Variants in PHF14 observed in about 807,000 individuals in gnomAD.
The protein encoded by PHF14 is PHD finger protein 14.
PHF14 carries 55 observed loss-of-function variants against 117.9 expected under a neutral mutation model. The observed-to-expected ratio is 0.47, with a 90% CI of 0.38 to 0.58. The LOEUF is 0.58. Among genes scored for constraint, PHF14 ranks in the 20% least tolerant of loss-of-function variants. The probability of loss-of-function intolerance (pLI) is 0.00; values close to 1 mark genes in which losing one functional copy is unlikely to be tolerated. For missense variants in PHF14, 978 were observed against 1,122.2 expected (o/e 0.87, Z 1.84); for synonymous variants, 409 against 368.6 (o/e 1.11, Z -1.26).
Position 11,051,649 on chromosome 7 carries a change from A to C in PHF14, c.2350A>C (p.Met784Leu), listed in dbSNP as rs1241053946. 1.9e-6 allele frequency: 3 copies of C among 1,613,474 alleles called. No individual in the cohort carries two copies. In the African/African-American group the frequency reaches 4.0e-5, roughly 22 times the overall value. Residue 784 changes from methionine (M) to leucine (L), a missense_variant, in exon 14 of 18, where the codon ATG (methionine) becomes CTG (leucine). By Grantham distance (15) the Met-to-Leu change is conservative. Coordinates refer to ENST00000634607, the MANE Select transcript of PHF14 (RefSeq NM_001007157.2). ...ATGTGACCAGGCAGGGAGCAGTGAC[A>C]TGGAAGCAGATATGGCCATGGAAAC... ...SECDQAGSSD[M>L]EADMAMETLP...
intron 17 of PHF14, among the ~76,000 whole-genome samples, chr7:11,166,496 A>G (rs1251913939): frequency 1.3e-5 from 2 of 152,188 alleles, no homozygotes; most frequent in Non-Finnish European, 2.9e-5. Flanking sequence ...GATTTTTATT[A>G]ATCTGGAACT....
intron 4 of PHF14, among the ~76,000 whole-genome samples, chr7:11,010,519 TATGTTAATTAAAA>T (rs902392439): frequency 5.3e-5 from 8 of 151,942 alleles, no homozygotes; most frequent in Non-Finnish European, 1.2e-4. Flanking sequence ...TGTATTAAAG[TATGTTAATTAAAA>T]ATGTTAATTA....
chr7:10,982,252 G>C (rs1782066436), intron 2 of PHF14, 120 bp from the exon 3 acceptor site: 1 of 596,284 alleles, frequency 1.7e-6, no homozygotes, highest in Non-Finnish European at 2.9e-6. Flanking sequence ...ACTTAAATTT[G>C]TTTATATTGT....
intron 16 of PHF14, chr7:11,062,886 T>C (rs532666797): frequency 2.0e-6 from 2 of 983,668 alleles, no homozygotes; most frequent in Non-Finnish European, 2.4e-6. Context: ...AGGGACTTTG[T>C]AAGGGAATCC....
chr7:11,113,416 T>C (rs1013156651), intron 17 of PHF14, among the ~76,000 whole-genome samples: 31 of 152,274 alleles, frequency 2.0e-4, no homozygotes, highest in African/African-American at 7.2e-4. Context: ...GAAGGCACAT[T>C]GTTAGAAAAC....
intron 17 of PHF14, among the ~76,000 whole-genome samples, chr7:11,142,817 T>G (rs1158657502): frequency 1.3e-5 from 2 of 152,116 alleles, no homozygotes; most frequent in African/African-American, 4.8e-5. Context: ...TACTGTAAGT[T>G]TTCAGAAACA....
At chr7:11,003,983 C>CA (rs1382107925) in intron 4 of PHF14, among the ~76,000 whole-genome samples, 2 of 152,046 alleles carry the variant, frequency 1.3e-5, no homozygotes, top group Non-Finnish European at 2.9e-5. Flanking sequence ...CTTGGTGGCT[C>CA]ACGCTTGTAA....
intron 17 of PHF14, among the ~76,000 whole-genome samples, chr7:11,122,352 T>TATATATATATATATATATATAC: frequency 2.6e-4 from 17 of 65,862 alleles, no homozygotes; most frequent in Non-Finnish European, 3.6e-4. Flanking sequence ...TATATATATA[T>TATATATATATATATATATATAC]ACACACACAC....
At chr7:11,168,445 A>G (rs1321840980) in intron 17 of PHF14, among the ~76,000 whole-genome samples, 3 of 152,210 alleles carry the variant, frequency 2.0e-5, no homozygotes, top group African/African-American at 7.2e-5. Flanking sequence ...TTTACTTTAT[A>G]AAGTCAATTC....
intron 4 of PHF14, among the ~76,000 whole-genome samples, chr7:11,010,928 T>C (rs938318873): frequency 1.3e-5 from 2 of 152,218 alleles, no homozygotes; most frequent in Non-Finnish European, 2.9e-5. Context: ...GCATTGGGAT[T>C]GCAGGCATGA....
chr7:11,155,755 A>G (rs920044853), intron 17 of PHF14, among the ~76,000 whole-genome samples: 1 of 150,408 alleles, frequency 6.6e-6, no homozygotes, highest in Non-Finnish European at 1.5e-5. Flanking sequence ...TCTGTCTTAT[A>G]TACAATGTTT....
rs113328700 is a variant in PHF14 at position 11,098,331 on chromosome 7, T to C, written c.2655-13019T>C. On this transcript the variant is annotated intron_variant, in intron 16 of 17. Coordinates refer to ENST00000634607, the MANE Select transcript of PHF14 (RefSeq NM_001007157.2). ...ATTCCTATGGCTTCCTTGAGACCTT[T>C]CGCAGTGTCTAGCCTCTGTTTTCTG... Among the ~76,000 whole-genome samples the C allele has an allele frequency of 1.8e-3, 279 of 152,322 alleles. 5 individuals carry two copies. The highest frequency in any genetic ancestry group is 6.3e-3 in the African/African-American group (262 of 41,572).
At chr7:10,988,599 G>A (rs1489903307) in intron 3 of PHF14, among the ~76,000 whole-genome samples, 3 of 141,828 alleles carry the variant, frequency 2.1e-5, no homozygotes, top group South Asian at 2.2e-4. Context: ...TGGACTTACC[G>A]TGGGGATGAT....
At chr7:11,033,890 C>G (rs1298390973) in intron 7 of PHF14, among the ~76,000 whole-genome samples, 1 of 152,100 alleles carries the variant, frequency 6.6e-6, no homozygotes, top group East Asian at 1.9e-4. Context: ...TTAATGTAGT[C>G]TCCTAATTAA....
In PHF14 at chr7:10,997,747, A is replaced by G. The variant is rs367748567; in HGVS notation, c.1045+6900A>G. Reference sequence around the variant, plus strand: ...GTTTCCTACTGCATGGACCTCCCTCATAAGCTGCATGAATGTCTTCATGAA... The same window carrying G: ...GTTTCCTACTGCATGGACCTCCCTCGTAAGCTGCATGAATGTCTTCATGAA... On this transcript the variant is annotated intron_variant, in intron 4 of 17. Transcript: ENST00000634607. Among the ~76,000 whole-genome samples, 10 of 152,346 alleles carry G rather than the reference A, an allele frequency of 6.6e-5. No individual in the cohort carries two copies. In the East Asian group the frequency reaches 1.2e-3, roughly 18 times the overall value.
At chr7:11,022,594 G>A (rs1353048116) in intron 5 of PHF14, among the ~76,000 whole-genome samples, 4 of 152,162 alleles carry the variant, frequency 2.6e-5, no homozygotes, top group Admixed American at 2.6e-4. Context: ...AAAGTGCAGT[G>A]AGTGAATTTT....
intron 4 of PHF14, among the ~76,000 whole-genome samples, chr7:11,011,967 T>C (rs1456903633): frequency 6.6e-6 from 1 of 152,208 alleles, no homozygotes; most frequent in African/African-American, 2.4e-5. Context: ...ATGTTTATTA[T>C]ACTTTGGTGG....
At position 11,060,856 on chromosome 7, in the gene PHF14, A is replaced by G. The variant is rs183473156; in HGVS notation, c.2482-935A>G. ...TAATTTAGTTGACTCTTGGTTATCT[A>G]GGAACAGATTAAATGGTAAGTAGTT... On this transcript the variant is annotated intron_variant, in intron 14 of 17. Transcript: ENST00000634607. 2.0e-5 allele frequency among the ~76,000 whole-genome samples: 3 copies of G among 152,324 alleles called. No individual in the cohort carries two copies. The East Asian group carries it at 5.8e-4, about 29-fold the overall frequency.
At chr7:11,112,277 A>G (rs10226931) in intron 17 of PHF14, among the ~76,000 whole-genome samples, 4,961 of 152,240 alleles carry the variant, frequency 0.033, 176 homozygotes, top group African/African-American at 0.087. Flanking sequence ...TCTTTCTTCA[A>G]TGCTACTTAA....
Sources: allele counts gnomAD v4.1 joint callset (sites outside exome capture counted in the v4.1 genomes callset), GRCh38; gene constraint gnomAD v4.1.1; transcripts MANE v1.5; gene names NCBI Gene and HGNC (gene_info 2026-07-23, HGNC 2026-07-21).